Variants in FCHSD1 observed in about 807,000 individuals in gnomAD.
FCHSD1 encodes the protein F-BAR and double SH3 domains protein 1.
A neutral mutation model predicts 101.3 loss-of-function variants in FCHSD1; 109 were observed. That is an observed-to-expected ratio of 1.08 (90% CI 0.92 to 1.26). The LOEUF is 1.26. Ranked by LOEUF, FCHSD1 falls within the 50% of genes most tolerant of loss-of-function variation. The probability of loss-of-function intolerance (pLI) is 0.00; values close to 1 mark genes in which losing one functional copy is unlikely to be tolerated. For missense variants in FCHSD1, 820 were observed against 895.8 expected (o/e 0.92, Z 1.08); for synonymous variants, 291 against 356.8 (o/e 0.82, Z 2.08).
intron 7 of FCHSD1, among the ~76,000 whole-genome samples, 170 bp from the exon 8 acceptor site, chr5:141,648,266 GTGCCTTC>G (rs1487611294): frequency 6.6e-6 from 1 of 152,172 alleles, no homozygotes; most frequent in Non-Finnish European, 1.5e-5. Flanking sequence ...AAATCTTCTA[GTGCCTTC>G]TGCACGCATT....
In FCHSD1 at chr5:141,641,570, G is replaced by T. The variant is rs998018974; in HGVS notation, c.2008-7C>A. The T allele has an allele frequency of 1.3e-6, 2 of 1,568,536 alleles. No individual in the cohort carries two copies. The highest frequency in any genetic ancestry group is 2.7e-5 in the African/African-American group (2 of 73,786). The stretch of plus-strand genomic sequence containing the variant: ...GGGGAGGTGGTGGACGCATCTGTAG[G>T]GAACACACAGTTAGTGCTCCAGAGT... On this transcript the variant is annotated splice_polypyrimidine_tract_variant and splice_region_variant and intron_variant, in intron 19 of 19. Transcript: ENST00000435817.
chr5:141,645,402 CATA>C (rs1179304341), intron 13 of FCHSD1, among the ~76,000 whole-genome samples: 7 of 152,200 alleles, frequency 4.6e-5, no homozygotes, highest in African/African-American at 1.7e-4. Flanking sequence ...ATTTAATCTT[CATA>C]ATGACCCAGT....
Position 141,639,817 on chromosome 5 carries a change from C to A in FCHSD1, c.*1681G>T. 7.3e-7 allele frequency: 1 copy of A among 1,377,418 alleles called. No individual in the cohort carries two copies. Among genetic ancestry groups the A allele is most frequent in the Non-Finnish European group, 1.0e-6 (1 of 979,370 alleles). The allele number at this position is 1,377,418 out of a possible 1,614,324, so 85.3% of individuals were successfully genotyped here. ...TGAGAAGGCCTCCCCTACCTTAGGC[C>A]AGAGGGAAGTAGCCACCAAACTCAG... On this transcript the variant is annotated 3_prime_UTR_variant, in exon 20 of 20. Transcript: ENST00000435817. The surrounding 1 kb of genome is among the most constrained non-coding windows in gnomAD (Gnocchi z 4.4).
At chr5:141,642,750 A>G (rs2099907102) in intron 18 of FCHSD1, 1 of 549,556 alleles carries the variant, frequency 1.8e-6, no homozygotes. Flanking sequence ...GAATTCAATA[A>G]GCTAGTACCT....
rs369917457 is a variant in FCHSD1, at chr5:141,647,449, G to T, written c.777C>A (p.Ala259=). 8 of 1,611,284 alleles carry T rather than the reference G, an allele frequency of 5.0e-6. No individual in the cohort carries two copies. The African/African-American group carries it at 8.0e-5, about 16-fold the overall frequency. ...LTSLSHTELE[A]AEVILEHAHR... is the part of the protein sequence containing the mutation. ...GGGCATGCTCCAGGATGACCTCTGC[G>T]GCTTCCAGCTCAGTGTGGCTCAGGG... The change falls in exon 9 of 20, where the codon GCC becomes GCA. Residue 259 remains alanine (A), a synonymous_variant. Transcript: ENST00000435817.
In FCHSD1 at chr5:141,649,154, C is replaced by A. The variant is rs752660227; in HGVS notation, c.512+18G>T. 1 of 1,613,958 alleles carries A rather than the reference C, an allele frequency of 6.2e-7. No homozygotes were observed. The highest frequency in any genetic ancestry group is 1.1e-5 in the South Asian group (1 of 91,082). Reference sequence around the variant, plus strand: ...CCTGTTCCCCAACCTTGGGCTTCCTCACTCTCCATGACCCCACCTGGCCTG... The same window carrying A: ...CCTGTTCCCCAACCTTGGGCTTCCTAACTCTCCATGACCCCACCTGGCCTG... On this transcript the variant is annotated intron_variant, in intron 6 of 19. Transcript: ENST00000435817. The surrounding 1 kb of genome is among the most constrained non-coding windows in gnomAD (Gnocchi z 4.1).
At position 141,644,239 on chromosome 5, in the gene FCHSD1, A is replaced by G; in HGVS notation, c.1842T>C (p.Pro614=). The change falls in exon 17 of 20, where the codon CCT becomes CCC. Residue 614 remains proline, a synonymous_variant. Transcript: ENST00000435817. ...VEELLGPPGP[P]ELSDPEQMLP... is the part of the protein sequence containing the mutation. ...TCACCTGTTCAGGGTCAGAGAGTTC[A>G]GGTGGCCCTGGGGGGCCAAGCAGCT... 1 of 1,612,572 alleles carries G rather than the reference A, an allele frequency of 6.2e-7. No individual in the cohort carries two copies. The highest frequency in any genetic ancestry group is 8.5e-7 in the Non-Finnish European group (1 of 1,179,256).
At chr5:141,643,758 G>A (rs2099907289) in intron 17 of FCHSD1, among the ~76,000 whole-genome samples, 1 of 151,502 alleles carries the variant, frequency 6.6e-6, no homozygotes, top group African/African-American at 2.4e-5. Flanking sequence ...TGATACAGGA[G>A]AATCGTTTGA....
intron 18 of FCHSD1, chr5:141,642,221 C>T: frequency 1.8e-6 from 1 of 544,908 alleles, no homozygotes; most frequent in East Asian, 3.2e-5. Context: ...GAGTTGGATG[C>T]CATTATCCTA....
chr5:141,646,398 A>G lies in FCHSD1; in HGVS notation c.1044+205T>C. 5.2e-6 allele frequency: 5 copies of G among 969,646 alleles called. No individual in the cohort carries two copies. In the South Asian group the frequency reaches 8.2e-5, roughly 16 times the overall value. The allele number at this position is 969,646 out of a possible 1,614,324, so 60.1% of individuals were successfully genotyped here. On this transcript the variant is annotated intron_variant, in intron 11 of 19. Transcript: ENST00000435817. Reference sequence around the variant, plus strand: ...CTCCCTTACCTGGGGCTACAGAACTAGGAAGCAACAGAAGAGAATTTGAAC... The same window carrying G: ...CTCCCTTACCTGGGGCTACAGAACTGGGAAGCAACAGAAGAGAATTTGAAC...
chr5:141,646,192 C>T lies in FCHSD1; in HGVS notation c.1045-1G>A. ...GCCTCTGCTCCAGTCGTTGCAGTAC[C>T]TGGTTGGGAAGGCAGAGAACAGGGG... On this transcript the variant is annotated splice_acceptor_variant, in intron 11 of 19. Transcript: ENST00000435817. LOFTEE classifies it high-confidence loss of function. The T allele has an allele frequency of 3.1e-6, 5 of 1,600,058 alleles. No homozygotes were observed. Among genetic ancestry groups the T allele is most frequent in the Non-Finnish European group, 2.6e-6 (3 of 1,173,572 alleles).
In FCHSD1 at chr5:141,649,462, G is replaced by C. The variant is rs567630037; in HGVS notation, c.308C>G (p.Ala103Gly). Residue 103 changes from alanine (A) to glycine (G), a missense_variant, in exon 5 of 20, where the codon GCG (alanine) becomes GGG (glycine). Coordinates refer to ENST00000435817, the MANE Select transcript of FCHSD1 (RefSeq NM_033449.3). The surrounding 1 kb of genome is among the most constrained non-coding windows in gnomAD (Gnocchi z 4.1). The stretch of plus-strand genomic sequence containing the variant: ...TGCTAGGTCACGGTATCGGTCAGAC[G>C]CCTGGAGTCGGGTTTGGCCCCCAGC... ...TVAGGQTRLQ[A>G]SDRYRDLAGG... is the part of the protein sequence containing the mutation. 6.8e-6 allele frequency: 11 copies of C among 1,613,772 alleles called. No individual in the cohort carries two copies. The highest frequency in any genetic ancestry group is 1.3e-5 in the African/African-American group (1 of 74,900).
chr5:141,650,004 C>T (rs1410720242), intron 3 of FCHSD1, 50 bp from the exon 4 acceptor site: 1 of 1,496,902 alleles, frequency 6.7e-7, no homozygotes, highest in African/African-American at 1.4e-5. Context: ...AGACCCACCC[C>T]AACTGGCAGA....
At chr5:141,641,602 T>A (rs2099906907) in intron 19 of FCHSD1, 39 bp from the exon 20 acceptor site, 1 of 1,599,890 alleles carries the variant, frequency 6.3e-7, no homozygotes, top group Non-Finnish European at 8.5e-7. Flanking sequence ...GAGTTCTCCC[T>A]TAAGGGTATC....
intron 18 of FCHSD1, 68 bp downstream of exon 18, chr5:141,642,933 T>C (rs893104380): frequency 2.0e-6 from 3 of 1,467,774 alleles, no homozygotes; most frequent in Admixed American, 2.0e-5. Flanking sequence ...GAGCGTGACC[T>C]GGGAGTCCAA....
chr5:141,648,517 T>C (rs2099907951), intron 7 of FCHSD1, among the ~76,000 whole-genome samples: 1 of 152,232 alleles, frequency 6.6e-6, no homozygotes, highest in Admixed American at 6.5e-5. Flanking sequence ...GGCCAGCTCC[T>C]TCTTGACAGT....
rs1478484169 is a variant in FCHSD1 at position 141,640,249 on chromosome 5, A to G, written c.*1249T>C. ...GGCCCAAGCCCAGGGCTGCCCACTCAAGAGGCAAATGGGCAGCCAAGCAAA... is the reference window on the plus strand; with the variant it reads ...GGCCCAAGCCCAGGGCTGCCCACTCGAGAGGCAAATGGGCAGCCAAGCAAA... On this transcript the variant is annotated 3_prime_UTR_variant, in exon 20 of 20. Coordinates refer to ENST00000435817, the MANE Select transcript of FCHSD1 (RefSeq NM_033449.3). The G allele has an allele frequency of 6.2e-7, 1 of 1,614,064 alleles. No homozygotes were observed. Among genetic ancestry groups the G allele is most frequent in the African/African-American group, 1.3e-5 (1 of 75,050 alleles).
In FCHSD1 at chr5:141,641,519, G is replaced by A; in HGVS notation, c.2052C>T (p.Gly684=). The change falls in exon 20 of 20, where the codon GGC becomes GGT. Residue 684 remains glycine (G), a synonymous_variant. Coordinates refer to ENST00000435817, the MANE Select transcript of FCHSD1 (RefSeq NM_033449.3). The part of the protein sequence containing the change: ...PPPPAKAPDP[G]HPDPLT ...GCCTTCAGGTGAGGGGATCTGGGTGGCCAGGATCCGGGGCTTTAGCCGGCG... is the reference window on the plus strand; with the variant it reads ...GCCTTCAGGTGAGGGGATCTGGGTGACCAGGATCCGGGGCTTTAGCCGGCG... The A allele has an allele frequency of 6.6e-7, 1 of 1,508,332 alleles. No individual in the cohort carries two copies. The highest frequency in any genetic ancestry group is 8.9e-7 in the Non-Finnish European group (1 of 1,128,482). 93.4% of individuals were successfully genotyped at this position (1,508,332 alleles called of 1,614,324 possible). A position where few individuals can be genotyped will look rare whatever the true frequency, so the allele number is the denominator to read the frequency against.
In FCHSD1 at chr5:141,640,601, G is replaced by A. The variant is rs139324945; in HGVS notation, c.*897C>T. 25,988 of 1,542,518 alleles carry A rather than the reference G, an allele frequency of 0.017. 327 individuals are homozygous for A. Among genetic ancestry groups the A allele is most frequent in the Non-Finnish European group, 0.018 (20,197 of 1,144,466 alleles). On this transcript the variant is annotated 3_prime_UTR_variant, in exon 20 of 20. Coordinates refer to ENST00000435817, the MANE Select transcript of FCHSD1 (RefSeq NM_033449.3). ...TGGTGGTGGAGGTAGGGAAGGTCCT[G>A]GAGCCCCAGGGGAAAAGCTGGACAC...
Sources: allele counts gnomAD v4.1 joint callset (sites outside exome capture counted in the v4.1 genomes callset), GRCh38; gene constraint gnomAD v4.1.1; non-coding constraint Gnocchi (gnomAD v3.1); transcripts MANE v1.5; gene names NCBI Gene and HGNC (gene_info 2026-07-23, HGNC 2026-07-21).